Variants in GRIK3 observed in about 807,000 individuals in gnomAD.
GRIK3 encodes the protein glutamate receptor ionotropic, kainate 3.
In GRIK3, 29 loss-of-function variants were observed where a neutral mutation model predicts 102.5. That is an observed-to-expected ratio of 0.28 (90% CI 0.21 to 0.39). GRIK3 has a LOEUF of 0.39. Ranked by LOEUF, GRIK3 falls within the 10% of genes least tolerant of loss-of-function variation. GRIK3 has a pLI of 1.00. For synonymous variants in GRIK3, 511 were observed against 504.9 expected (o/e 1.01, Z -0.16); for missense variants, 908 against 1,252.4 (o/e 0.73, Z 4.15).
At chr1:36,859,518 T>G (rs1191140159) in intron 6 of GRIK3, among the ~76,000 whole-genome samples, 3 of 66,284 alleles carry the variant, frequency 4.5e-5, no homozygotes, top group African/African-American at 1.8e-4. Context: ...ACCTAGGCCC[T>G]GACCACACCT....
intron 1 of GRIK3, 48 bp from the exon 2 acceptor site, chr1:36,891,144 C>G: frequency 7.0e-7 from 1 of 1,437,412 alleles, no homozygotes; most frequent in East Asian, 2.3e-5. Context: ...AGGGATGGGG[C>G]TCTAGCAAGG....
chr1:36,827,090 C>T (rs1169838953), intron 10 of GRIK3, among the ~76,000 whole-genome samples: 6 of 152,210 alleles, frequency 3.9e-5, no homozygotes, highest in Admixed American at 2.0e-4. Flanking sequence ...AACCCTCCCT[C>T]GCAGCCTCCA....
chr1:36,871,286 A>C (rs958070766), intron 4 of GRIK3, among the ~76,000 whole-genome samples: 4 of 152,158 alleles, frequency 2.6e-5, no homozygotes, highest in African/African-American at 9.7e-5. Flanking sequence ...AGAGGCTGCC[A>C]TTCAGGCCTG....
intron 4 of GRIK3, among the ~76,000 whole-genome samples, chr1:36,871,212 C>G (rs1262315559): frequency 6.6e-6 from 1 of 152,200 alleles, no homozygotes; most frequent in Non-Finnish European, 1.5e-5. Context: ...AAGCAGAACT[C>G]AAACCCTCAA....
chr1:36,990,497 T>A (rs1354299957), intron 1 of GRIK3, among the ~76,000 whole-genome samples: 1 of 152,200 alleles, frequency 6.6e-6, no homozygotes, highest in African/African-American at 2.4e-5. Flanking sequence ...GCTGGAGGAC[T>A]GGCAAGAAGT....
At chr1:37,029,652 G>T (rs183051822) in intron 1 of GRIK3, among the ~76,000 whole-genome samples, 1 of 152,216 alleles carries the variant, frequency 6.6e-6, no homozygotes, top group African/African-American at 2.4e-5. Flanking sequence ...CACAGCCCAC[G>T]GGGGCATCTG....
intron 1 of GRIK3, among the ~76,000 whole-genome samples, chr1:36,953,905 G>C (rs958387532): frequency 1.3e-5 from 2 of 152,204 alleles, no homozygotes; most frequent in African/African-American, 4.8e-5. Flanking sequence ...ATTGAGGGAA[G>C]CTGCCGGGAA....
At chr1:36,994,269 C>G (rs984774764) in intron 1 of GRIK3, among the ~76,000 whole-genome samples, 1 of 152,220 alleles carries the variant, frequency 6.6e-6, no homozygotes, top group African/African-American at 2.4e-5. Flanking sequence ...CCCTACCTTA[C>G]ACAATTGCGG....
At chr1:36,815,286 C>A (rs1406258240) in intron 13 of GRIK3, among the ~76,000 whole-genome samples, 1 of 152,218 alleles carries the variant, frequency 6.6e-6, no homozygotes, top group African/African-American at 2.4e-5. Context: ...CTGTTTCCAA[C>A]CTCAAGGAGG....
intron 1 of GRIK3, among the ~76,000 whole-genome samples, chr1:36,900,838 A>G (rs2124282645): frequency 6.6e-6 from 1 of 152,324 alleles, no homozygotes; most frequent in African/African-American, 2.4e-5. Flanking sequence ...AAGAGAGGAT[A>G]CAAATTGTTA....
chr1:36,906,045 T>C (rs1641280791), intron 1 of GRIK3, among the ~76,000 whole-genome samples: 3 of 152,166 alleles, frequency 2.0e-5, no homozygotes, highest in African/African-American at 7.2e-5. Flanking sequence ...GCCTCAGTCT[T>C]ATCCTATATA....
chr1:36,956,357 C>G (rs501832), intron 1 of GRIK3, among the ~76,000 whole-genome samples: 85,908 of 152,014 alleles, frequency 0.57, 25,978 homozygotes, highest in African/African-American at 0.78. Context: ...GATGAAATGA[C>G]TCAGGGCAGC....
At chr1:36,868,223 G>T (rs1570769938) in intron 5 of GRIK3, among the ~76,000 whole-genome samples, 1 of 152,200 alleles carries the variant, frequency 6.6e-6, no homozygotes, top group East Asian at 1.9e-4. Context: ...TCCCAGCTCT[G>T]GACAGAGGTA....
At position 36,821,767 on chromosome 1, in the gene GRIK3, A is replaced by C. The variant is rs138581558; in HGVS notation, c.1755-1913T>G. On this transcript the variant is annotated intron_variant, in intron 11 of 15. Transcript: ENST00000373091. ...TGTGTGGGGAGTGGGCCATGAAGAG[A>C]GGCCTTGCCAGAGGGGGCCACTGGA... is the stretch of plus-strand genomic sequence containing the variant. 8.5e-5 allele frequency among the ~76,000 whole-genome samples: 13 copies of C among 152,278 alleles called. No homozygotes were observed. In the East Asian group the frequency reaches 2.3e-3, roughly 27 times the overall value.
intron 11 of GRIK3, among the ~76,000 whole-genome samples, chr1:36,823,396 C>G (rs1488330201): frequency 3.4e-5 from 5 of 147,020 alleles, no homozygotes; most frequent in Admixed American, 6.9e-5. Flanking sequence ...ATGGCGTGAA[C>G]CCGGGAGGCA....
At chr1:36,893,718 G>T (rs1030947341) in intron 1 of GRIK3, among the ~76,000 whole-genome samples, 1 of 152,152 alleles carries the variant, frequency 6.6e-6, no homozygotes, top group Non-Finnish European at 1.5e-5. Flanking sequence ...AACAACAGTA[G>T]GCATATGGAT....
chr1:36,933,471 A>T (rs1641619462), intron 1 of GRIK3, among the ~76,000 whole-genome samples: 1 of 152,204 alleles, frequency 6.6e-6, no homozygotes, highest in South Asian at 2.1e-4. Context: ...TTAAATAAAG[A>T]TGTTATCTCT....
intron 1 of GRIK3, among the ~76,000 whole-genome samples, chr1:37,015,834 G>T (rs6685461): frequency 1.7e-3 from 266 of 152,376 alleles, no homozygotes; most frequent in Middle Eastern, 3.4e-3. Context: ...CTGGGTCTGT[G>T]TTGGAGAGAT....
intron 1 of GRIK3, among the ~76,000 whole-genome samples, chr1:37,003,176 T>C (rs1195198578): frequency 6.6e-6 from 1 of 152,120 alleles, no homozygotes; most frequent in African/African-American, 2.4e-5. Flanking sequence ...AACTATAGCA[T>C]TTTAGTTTTG....
Sources: gnomAD v4.1 joint callset for allele counts (sites outside exome capture counted in the v4.1 genomes callset) on GRCh38, gnomAD v4.1.1 for gene constraint, MANE v1.5 for transcripts, NCBI Gene and HGNC (gene_info 2026-07-23, HGNC 2026-07-21) for gene names.